FTCDNL1: variants seen among roughly 807,000 people sequenced by gnomAD.
FTCDNL1 encodes formiminotransferase cyclodeaminase N-terminal like, also known as formiminotransferase N-terminal subdomain-containing protein.
Under a neutral mutation model 5.9 loss-of-function variants are expected in FTCDNL1, and 11 were observed. The observed-to-expected ratio is 1.87, with a 90% CI of 1.18 to 3.10. The LOEUF (loss-of-function observed/expected upper bound fraction) is 3.10. FTCDNL1 is among the 30% of genes most tolerant of loss of function. FTCDNL1 has a pLI of 0.00. For synonymous variants in FTCDNL1, 58 were observed against 24.8 expected (o/e 2.34, Z -3.99); for missense variants, 115 against 65.5 (o/e 1.76, Z -2.61).
intron 3 of FTCDNL1, among the ~76,000 whole-genome samples, chr2:199,820,400 T>C (rs1701610066): frequency 6.6e-6 from 1 of 152,052 alleles, no homozygotes; most frequent in East Asian, 1.9e-4. Context: ...AGCCAGGAGT[T>C]TGAGAACAGC....
chr2:199,807,962 G>C (rs113404971), downstream of FTCDNL1, among the ~76,000 whole-genome samples: 1 of 151,102 alleles, frequency 6.6e-6, no homozygotes, highest in African/African-American at 2.5e-5. Flanking sequence ...CTGAATTATC[G>C]GGGGTGCATT....
At chr2:199,664,051 A>T in the FTCDNL1 span, among the ~76,000 whole-genome samples, 1 of 152,186 alleles carries the variant, frequency 6.6e-6, no homozygotes, top group Admixed American at 6.5e-5. Context: ...TTTAAAAAAA[A>T]AAAAGTACTA....
At chr2:199,687,295 G>T in the FTCDNL1 span, among the ~76,000 whole-genome samples, 1 of 152,178 alleles carries the variant, frequency 6.6e-6, no homozygotes, top group African/African-American at 2.4e-5. Flanking sequence ...ACTCTGGTAA[G>T]CCTTGGTCAA....
the FTCDNL1 span, among the ~76,000 whole-genome samples, chr2:199,714,838 G>A: frequency 8.6e-5 from 13 of 150,300 alleles, no homozygotes; most frequent in East Asian, 3.9e-4. Flanking sequence ...GCAAACTACC[G>A]CAAGGAAAAA....
intron 3 of FTCDNL1, among the ~76,000 whole-genome samples, chr2:199,836,930 C>T (rs1204905963): frequency 6.6e-6 from 1 of 152,186 alleles, no homozygotes; most frequent in Non-Finnish European, 1.5e-5. Context: ...CCCCCACAGG[C>T]CAAGTGTTGC....
intron 3 of FTCDNL1, among the ~76,000 whole-genome samples, chr2:199,775,044 G>A (rs1049873947): frequency 1.3e-5 from 2 of 152,294 alleles, no homozygotes; most frequent in South Asian, 4.1e-4. Flanking sequence ...TAGTTTCAGT[G>A]CTATAGAATG....
chr2:199,833,865 C>T (rs1484729231), intron 3 of FTCDNL1, among the ~76,000 whole-genome samples: 2 of 152,180 alleles, frequency 1.3e-5, no homozygotes, highest in East Asian at 3.9e-4. Flanking sequence ...AGATAACGAC[C>T]ATTTCCACAC....
At chr2:199,808,733 A>C (rs2106437806), downstream of FTCDNL1, among the ~76,000 whole-genome samples, 1 of 152,314 alleles carries the variant, frequency 6.6e-6, no homozygotes, top group South Asian at 2.1e-4. Context: ...CTCAAAACTA[A>C]AGCAAAGCTC....
chr2:199,848,854 T>C lies in FTCDNL1; in HGVS notation c.109A>G (p.Lys37Glu). The C allele has an allele frequency of 1.4e-6, 1 of 700,234 alleles. No homozygotes were observed. Among genetic ancestry groups the C allele is most frequent in the Non-Finnish European group, 2.6e-6 (1 of 384,332 alleles). The allele number at this position is 700,234 out of a possible 1,614,324, so 43.4% of individuals were successfully genotyped here. The change falls in exon 2 of 5, where the codon AAA (lysine) becomes GAA (glutamate). Residue 37 changes from lysine (K) to glutamate (E), a missense_variant. Physicochemically the swap from Lys to Glu is moderately conservative, Grantham distance 56. Coordinates refer to ENST00000420128, the MANE Select transcript of FTCDNL1 (RefSeq NM_001363886.2). Reference sequence around the variant, plus strand: ...AATTGTCTGTTTTTCCTACCATTTTTGTCAAGAAGAGCTGCTTTTGCTATG... The same window carrying C: ...AATTGTCTGTTTTTCCTACCATTTTCGTCAAGAAGAGCTGCTTTTGCTATG... The part of the protein sequence containing the change: ...ENIAKAALLD[K>E]NGKKHPQVSV...
chr2:199,745,918 C>G, the FTCDNL1 span, among the ~76,000 whole-genome samples: 121,013 of 152,146 alleles, frequency 0.8, 51,009 homozygotes, highest in East Asian at 1. Flanking sequence ...ATCCTGGGTT[C>G]AAAGCATTGC....
At position 199,836,892 on chromosome 2, in the gene FTCDNL1, A is replaced by G. The variant is rs185762530; in HGVS notation, c.211+9183T>C. Among the ~76,000 whole-genome samples the G allele has an allele frequency of 6.7e-4, 102 of 152,314 alleles. No homozygotes were observed. The Middle Eastern group carries it at 0.01, about 15-fold the overall frequency. ...GAATTGTCCATCTCAGGGACAAAAG[A>G]GGCAAGCATTTATCCACCAGCTCTG... is the stretch of plus-strand genomic sequence containing the variant. On this transcript the variant is annotated intron_variant, in intron 3 of 4. Transcript: ENST00000420128.
rs755345403 is a variant in FTCDNL1, at chr2:199,810,449, G to A, written c.*2256C>T. 1.3e-5 allele frequency among the ~76,000 whole-genome samples: 2 copies of A among 152,156 alleles called. No homozygotes were observed. Among genetic ancestry groups the A allele is most frequent in the Non-Finnish European group, 2.9e-5 (2 of 68,030 alleles). The stretch of plus-strand genomic sequence containing the variant: ...CAAGACAAAAGAGTTCCCTCACACA[G>A]ACTTATAAACCTCGTGCCTTTCTCT... On this transcript the variant is annotated 3_prime_UTR_variant, in exon 5 of 5. Coordinates refer to ENST00000420128, the MANE Select transcript of FTCDNL1 (RefSeq NM_001363886.2).
downstream of FTCDNL1, among the ~76,000 whole-genome samples, chr2:199,807,019 T>C (rs897824965): frequency 6.6e-6 from 1 of 152,230 alleles, no homozygotes; most frequent in African/African-American, 2.4e-5. Flanking sequence ...AAACAAATAC[T>C]GATGAAACAT....
At chr2:199,668,495 T>C in the FTCDNL1 span, among the ~76,000 whole-genome samples, 5 of 150,120 alleles carry the variant, frequency 3.3e-5, no homozygotes, top group African/African-American at 7.4e-5. Flanking sequence ...GACCTTCAGA[T>C]GAGCAGGTCT....
At chr2:199,802,543 T>C (rs1000639619) in intron 3 of FTCDNL1, among the ~76,000 whole-genome samples, 4 of 152,214 alleles carry the variant, frequency 2.6e-5, no homozygotes, top group African/African-American at 9.6e-5. Context: ...ACAATCCACA[T>C]CCATCCTGGT....
At chr2:199,734,185 G>C in the FTCDNL1 span, among the ~76,000 whole-genome samples, 1 of 152,170 alleles carries the variant, frequency 6.6e-6, no homozygotes, top group Non-Finnish European at 1.5e-5. Context: ...GGTCTGGAAA[G>C]CAGAATTTCT....
At chr2:199,705,677 C>G in the FTCDNL1 span, among the ~76,000 whole-genome samples, 1 of 152,288 alleles carries the variant, frequency 6.6e-6, no homozygotes, top group African/African-American at 2.4e-5. Flanking sequence ...AAAGAGAAAA[C>G]AGTCATCGTA....
At chr2:199,840,584 C>T (rs925355823) in intron 3 of FTCDNL1, among the ~76,000 whole-genome samples, 4 of 151,938 alleles carry the variant, frequency 2.6e-5, no homozygotes, top group Admixed American at 6.6e-5. Flanking sequence ...AAGACCAAGA[C>T]GTACCAGTGT....
the FTCDNL1 span, among the ~76,000 whole-genome samples, chr2:199,741,530 T>A: frequency 6.6e-6 from 1 of 152,210 alleles, no homozygotes. Flanking sequence ...CATTTCAGAA[T>A]AATTATTATA....
Sources: gnomAD v4.1 joint callset for allele counts (sites outside exome capture counted in the v4.1 genomes callset) on GRCh38, gnomAD v4.1.1 for gene constraint, MANE v1.5 for transcripts, NCBI Gene and HGNC (gene_info 2026-07-23, HGNC 2026-07-21) for gene names.